The following VAC14 variants were observed in gnomAD, a reference collection of about 807,000 sequenced individuals.
VAC14 encodes protein VAC14 homolog.
Under a neutral mutation model 85.3 loss-of-function variants are expected in VAC14, and 47 were observed. The ratio of observed to expected loss-of-function variants is 0.55; its 90% CI spans 0.44 to 0.70. The LOEUF (loss-of-function observed/expected upper bound fraction) is 0.70, where lower values mean the gene tolerates loss of function less well. VAC14 is among the 30% of genes least tolerant of loss of function. VAC14 has a pLI of 0.00. For missense variants in VAC14, 861 were observed against 1,004.3 expected (o/e 0.86, Z 1.93); for synonymous variants, 447 against 430.5 (o/e 1.04, Z -0.47).
intron 14 of VAC14, among the ~76,000 whole-genome samples, chr16:70,705,917 G>A (rs1462899655): frequency 6.6e-6 from 1 of 152,262 alleles, no homozygotes; most frequent in African/African-American, 2.4e-5. Context: ...GATTTTGCTC[G>A]GTACCTCCTG....
rs1555523464 is a variant in VAC14, at chr16:70,762,100, G to GTTTTT, written c.1371+435_1371+439dup. On this transcript the variant is annotated intron_variant, in intron 12 of 18. Coordinates refer to ENST00000261776, the MANE Select transcript of VAC14 (RefSeq NM_018052.5). The surrounding 1 kb of genome is among the most constrained non-coding windows in gnomAD (Gnocchi z 4.1). ...AGAAGAGTCCTCACTCCTAAAGTGAGTTTTTTTTTTTGTTTTTGTTTTTTT... is the reference window on the plus strand; with the variant it reads ...AGAAGAGTCCTCACTCCTAAAGTGAGTTTTTTTTTTTTTTTTGTTTTTGTTTTTTT... Among the ~76,000 whole-genome samples the GTTTTT allele has an allele frequency of 3.8e-5, 4 of 104,102 alleles. No homozygotes were observed. Among genetic ancestry groups the GTTTTT allele is most frequent in the African/African-American group, 1.3e-4 (2 of 15,898 alleles). 68.3% of individuals were successfully genotyped at this position (104,102 alleles called of 152,430 possible). A position where few individuals can be genotyped will look rare whatever the true frequency, so the allele number is the denominator to read the frequency against.
chr16:70,740,750 C>T (rs1374571272), intron 13 of VAC14, among the ~76,000 whole-genome samples: 1 of 152,230 alleles, frequency 6.6e-6, no homozygotes, highest in African/African-American at 2.4e-5. Context: ...TGCCCCCAGG[C>T]CACTCTCTCC....
intron 12 of VAC14, among the ~76,000 whole-genome samples, chr16:70,750,697 C>T (rs544621965): frequency 5.9e-5 from 9 of 152,140 alleles, no homozygotes; most frequent in Non-Finnish European, 1.0e-4. Flanking sequence ...CACAGGCTGT[C>T]GCCCCAGTGC....
intron 15 of VAC14, among the ~76,000 whole-genome samples, chr16:70,697,628 G>A (rs1014956912): frequency 2.6e-5 from 4 of 152,164 alleles, no homozygotes; most frequent in African/African-American, 7.2e-5. Flanking sequence ...ATGGGGGAGT[G>A]GGCAGGGAAG....
At chr16:70,751,916 A>G (rs779357619) in intron 12 of VAC14, among the ~76,000 whole-genome samples, 36 of 152,246 alleles carry the variant, frequency 2.4e-4, no homozygotes, top group Non-Finnish European at 4.6e-4. Flanking sequence ...ACGGGGTCAC[A>G]GCAGCCCTGC....
At chr16:70,752,602 A>G (rs376337684) in intron 12 of VAC14, among the ~76,000 whole-genome samples, 33 of 152,340 alleles carry the variant, frequency 2.2e-4, no homozygotes, top group African/African-American at 5.3e-4. Flanking sequence ...ACCAGGAGAT[A>G]AGCCTAGGGG....
At chr16:70,697,278 G>A (rs1285891094) in intron 15 of VAC14, 21 bp from the exon 16 acceptor site, 1 of 1,599,450 alleles carries the variant, frequency 6.3e-7, no homozygotes, top group Non-Finnish European at 8.6e-7. Context: ...ACAGGCATGA[G>A]CCGTGAGGAC....
At chr16:70,735,020 G>C (rs2054705816) in intron 13 of VAC14, among the ~76,000 whole-genome samples, 1 of 152,166 alleles carries the variant, frequency 6.6e-6, no homozygotes, top group Non-Finnish European at 1.5e-5. Context: ...CAGATTAGGA[G>C]GTGGTGCCTT....
chr16:70,694,106 GGCT>G (rs2053657613), intron 17 of VAC14, among the ~76,000 whole-genome samples: 1 of 152,228 alleles, frequency 6.6e-6, no homozygotes, highest in Non-Finnish European at 1.5e-5. Context: ...GGCGACTCAG[GGCT>G]GGGACGGTGT....
chr16:70,693,819 G>A (rs954423484), intron 17 of VAC14, among the ~76,000 whole-genome samples: 3 of 152,240 alleles, frequency 2.0e-5, no homozygotes, highest in African/African-American at 4.8e-5. Flanking sequence ...GATATGCCAT[G>A]TGCTTTGGGA....
intron 13 of VAC14, 34 bp downstream of exon 13, chr16:70,744,389 C>T: frequency 6.2e-7 from 1 of 1,613,228 alleles, no homozygotes. Context: ...GGCACTAAGG[C>T]CCCTGAGGCT....
intron 15 of VAC14, 140 bp downstream of exon 15, chr16:70,698,497 A>T: frequency 9.7e-7 from 1 of 1,028,952 alleles, no homozygotes; most frequent in Non-Finnish European, 1.4e-6. Flanking sequence ...CCTATTTCCC[A>T]GTGGACCAGG....
intron 3 of VAC14, 53 bp downstream of exon 3, chr16:70,785,649 T>C: frequency 1.3e-6 from 2 of 1,501,552 alleles, no homozygotes; most frequent in Non-Finnish European, 1.8e-6. Flanking sequence ...GAAGGTCAAG[T>C]GAGGTGGGGG....
chr16:70,782,914 C>T, intron 7 of VAC14, 119 bp downstream of exon 7: 2 of 932,324 alleles, frequency 2.1e-6, no homozygotes, highest in Non-Finnish European at 3.3e-6. Context: ...GGCTAATATT[C>T]CTACCAGGAA....
intron 12 of VAC14, among the ~76,000 whole-genome samples, chr16:70,760,883 G>C (rs981997644): frequency 6.6e-6 from 1 of 151,914 alleles, no homozygotes; most frequent in African/African-American, 2.4e-5. Flanking sequence ...ACTGTGCAGT[G>C]AGTCACTCCC....
chr16:70,697,930 C>T (rs752891974), intron 15 of VAC14, among the ~76,000 whole-genome samples: 1 of 152,142 alleles, frequency 6.6e-6, no homozygotes, highest in East Asian at 1.9e-4. Context: ...GGAAATGAAA[C>T]CCCTGGAGTC....
chr16:70,777,629 G>T (rs1018246030), intron 9 of VAC14, among the ~76,000 whole-genome samples: 4 of 152,244 alleles, frequency 2.6e-5, no homozygotes, highest in Non-Finnish European at 5.9e-5. Context: ...GTCGGAGCAA[G>T]TGAAGAGGCA....
At chr16:70,727,195 C>T (rs1428399346) in intron 14 of VAC14, among the ~76,000 whole-genome samples, 1 of 152,214 alleles carries the variant, frequency 6.6e-6, no homozygotes, top group East Asian at 1.9e-4. Flanking sequence ...TCTCAGTGTG[C>T]AATCTTGGAG....
chr16:70,744,654 G>A lies in VAC14; in HGVS notation c.1372-75C>T, dbSNP rs528898111. 10 of 1,492,534 alleles carry A rather than the reference G, an allele frequency of 6.7e-6. No homozygotes were observed. In the African/African-American group the frequency reaches 1.3e-4, roughly 19 times the overall value. The allele number at this position is 1,492,534 out of a possible 1,614,324, so 92.5% of individuals were successfully genotyped here. ...GCTGACCTGGGCAGAGGTGCGGTTG[G>A]TGGCACACAGCCACCTGCAGGGGTG... On this transcript the variant is annotated intron_variant, in intron 12 of 18. Coordinates refer to ENST00000261776, the MANE Select transcript of VAC14 (RefSeq NM_018052.5).
Sources: gnomAD v4.1 joint callset for allele counts (sites outside exome capture counted in the v4.1 genomes callset) on GRCh38, gnomAD v4.1.1 for gene constraint, Gnocchi (gnomAD v3.1) non-coding constraint, MANE v1.5 for transcripts, NCBI Gene and HGNC (gene_info 2026-07-23, HGNC 2026-07-21) for gene names.